Variants in CNKSR1 observed in about 807,000 individuals in gnomAD.
CNKSR1 encodes connector enhancer of kinase suppressor of Ras 1, also known as CNK homolog protein 1.
A neutral mutation model predicts 95.6 loss-of-function variants in CNKSR1; 88 were observed. That is an observed-to-expected ratio of 0.92 (90% confidence interval 0.78 to 1.10). The LOEUF (loss-of-function observed/expected upper bound fraction) is 1.10. CNKSR1 is among the 50% of genes least tolerant of loss of function. CNKSR1 has a pLI of 0.00. For missense variants in CNKSR1, 836 were observed against 912.0 expected (o/e 0.92, Z 1.07); for synonymous variants, 355 against 369.7 (o/e 0.96, Z 0.46).
In CNKSR1 at chr1:26,189,403, G is replaced by C; in HGVS notation, c.1997G>C (p.Gly666Ala). 1.2e-6 allele frequency: 2 copies of C among 1,613,964 alleles called. No individual in the cohort carries two copies. The highest frequency in any genetic ancestry group is 1.7e-6 in the Non-Finnish European group (2 of 1,179,816). ...TACTCAGAGGGCCTGGGGGCCTGGG[G>C]AGTGGCACAGGCTGAAGGCAGCTCC... ...ELYSEGLGAW[G>A]VAQAEGSSHI... Residue 666 changes from glycine (G) to alanine (A), a missense_variant, in exon 21 of 21, where the codon GGA (glycine) becomes GCA (alanine). Transcript: ENST00000361530.
chr1:26,185,347 T>C (rs2088730048), intron 14 of CNKSR1, among the ~76,000 whole-genome samples, 161 bp downstream of exon 14: 1 of 151,478 alleles, frequency 6.6e-6, no homozygotes, highest in Admixed American at 6.6e-5. Flanking sequence ...AATATATGTA[T>C]AAAAGCAGTT....
chr1:26,188,367 G>A, intron 17 of CNKSR1, 60 bp downstream of exon 17: 1 of 1,610,968 alleles, frequency 6.2e-7, no homozygotes, highest in Non-Finnish European at 8.5e-7. Context: ...CCTTTCCTGG[G>A]ATGGGGGCTA....
At position 26,188,466 on chromosome 1, in the gene CNKSR1, AG is replaced by A. The variant is rs1345377853; in HGVS notation, c.1555del (p.Asp519ThrfsTer44). On this transcript the variant is annotated frameshift_variant, in exon 18 of 21. Transcript: ENST00000361530. LOFTEE classifies it high-confidence loss of function. ...GACTGCTACAGTGAGACCGAAGCAG[AG>A]GACCCGGACGATGAGGCTGGGTCCC... ...EEDCYSETEA[E>X]DPDDEAGSHS... is the part of the protein sequence containing the mutation. 1 of 1,605,970 alleles carries A rather than the reference AG, an allele frequency of 6.2e-7. No homozygotes were observed. Among genetic ancestry groups the A allele is most frequent in the Middle Eastern group, 1.7e-4 (1 of 6,052 alleles).
At chr1:26,184,649 T>C (rs1426718166) in intron 13 of CNKSR1, 37 bp downstream of exon 13, 1 of 1,571,940 alleles carries the variant, frequency 6.4e-7, no homozygotes, top group African/African-American at 1.3e-5. Flanking sequence ...GGTTCCCCTG[T>C]TTGAGGAGCT....
intron 15 of CNKSR1, 50 bp downstream of exon 15, chr1:26,187,291 G>A: frequency 6.3e-7 from 1 of 1,592,840 alleles, no homozygotes; most frequent in Non-Finnish European, 8.6e-7. Flanking sequence ...GAAAGGGAGA[G>A]GAAGGGTGAT....
intron 1 of CNKSR1, 162 bp from the exon 2 acceptor site, chr1:26,180,291 C>G (rs2088621995): frequency 2.4e-6 from 2 of 836,550 alleles, no homozygotes; most frequent in African/African-American, 3.4e-5. Flanking sequence ...TTTCCTGCTT[C>G]TCAACTCAGT....
intron 1 of CNKSR1, among the ~76,000 whole-genome samples, chr1:26,178,731 A>T (rs1274002326): frequency 1.3e-5 from 2 of 152,178 alleles, no homozygotes; most frequent in Non-Finnish European, 2.9e-5. Context: ...GGGAAAGGCA[A>T]CTCTGACCTT....
At chr1:26,179,978 A>G (rs1026367481) in intron 1 of CNKSR1, among the ~76,000 whole-genome samples, 13 of 152,142 alleles carry the variant, frequency 8.5e-5, no homozygotes, top group African/African-American at 3.1e-4. Flanking sequence ...TCTGCAAAAA[A>G]TACAAAAATT....
At chr1:26,183,596 C>A (rs923761425) in intron 8 of CNKSR1, 133 bp from the exon 9 acceptor site, 1 of 998,884 alleles carries the variant, frequency 1.0e-6, no homozygotes, top group Non-Finnish European at 1.6e-6. Context: ...CCCATGGAAG[C>A]CCCCAGGAGG....
chr1:26,187,606 T>G, intron 16 of CNKSR1, 124 bp downstream of exon 16: 1 of 737,298 alleles, frequency 1.4e-6, no homozygotes, highest in Non-Finnish European at 2.3e-6. Flanking sequence ...GTCAAGATAC[T>G]CACTTCTCTT....
Position 26,187,255 on chromosome 1 carries a change from G to T in CNKSR1, c.1382+14G>T, listed in dbSNP as rs761848081. On this transcript the variant is annotated intron_variant, in intron 15 of 20. Transcript: ENST00000361530. ...GAAGAAGAAATAGTTAAGTCTTGGGGTGTGATGGGCTGGGGGATGGAGACA... is the reference window on the plus strand; with the variant it reads ...GAAGAAGAAATAGTTAAGTCTTGGGTTGTGATGGGCTGGGGGATGGAGACA... 6.2e-7 allele frequency: 1 copy of T among 1,609,992 alleles called. No homozygotes were observed. Among genetic ancestry groups the T allele is most frequent in the Non-Finnish European group, 8.5e-7 (1 of 1,176,208 alleles).
At position 26,180,538 on chromosome 1, in the gene CNKSR1, C is replaced by T. The variant is rs772465917; in HGVS notation, c.138C>T (p.Leu46=). 7.4e-6 allele frequency: 12 copies of T among 1,614,078 alleles called. No individual in the cohort carries two copies. Among genetic ancestry groups the T allele is most frequent in the African/African-American group, 4.0e-5 (3 of 74,932 alleles). ...TGCTCCAGCTCTGCCCCCAAAGCCTCGAGGCTCTGGCTGTGCGGTCTCTGG... is the reference window on the plus strand; with the variant it reads ...TGCTCCAGCTCTGCCCCCAAAGCCTTGAGGCTCTGGCTGTGCGGTCTCTGG... ...KNLLQLCPQS[L]EALAVRSLGH... The change falls in exon 2 of 21, where the codon CTC becomes CTT. Residue 46 remains leucine, a synonymous_variant. Transcript: ENST00000361530.
At position 26,180,969 on chromosome 1, in the gene CNKSR1, C is replaced by G. The variant is rs1257855290; in HGVS notation, c.392+73C>G. 3 of 1,572,086 alleles carry G rather than the reference C, an allele frequency of 1.9e-6. No homozygotes were observed. The African/African-American group carries it at 4.1e-5, about 21-fold the overall frequency. On this transcript the variant is annotated intron_variant, in intron 3 of 20. Coordinates refer to ENST00000361530, the MANE Select transcript of CNKSR1 (RefSeq NM_006314.3). The stretch of plus-strand genomic sequence containing the variant: ...TCCTTCAGGGCGTGGGAGAGAAAAA[C>G]AGATCTTGGCTCTTGTTCAGATATG...
rs145077561 is a variant in CNKSR1, at chr1:26,182,525, C to T, written c.565C>T (p.Pro189Ser). ...GICHNILVCC[P>S]KELLEQKAVL... The stretch of plus-strand genomic sequence containing the variant: ...CTGCCACAACATCCTGGTCTGCTGC[C>T]CCAAGGAGCTGCTGGAACAGAAGGC... Residue 189 changes from proline to serine, a missense_variant, in exon 6 of 21, where the codon CCC becomes TCC. Transcript: ENST00000361530. 5.0e-6 allele frequency: 8 copies of T among 1,613,850 alleles called. No individual in the cohort carries two copies. Among genetic ancestry groups the T allele is most frequent in the African/African-American group, 1.3e-5 (1 of 74,912 alleles).
At chr1:26,182,638 GC>G in intron 6 of CNKSR1, 54 bp downstream of exon 6, 2 of 1,465,764 alleles carry the variant, frequency 1.4e-6, no homozygotes, top group Admixed American at 3.6e-5. Flanking sequence ...CCTTGTCTGG[GC>G]CCTGAAATAG....
chr1:26,189,052 TC>T, intron 20 of CNKSR1, 99 bp downstream of exon 20: 2 of 1,391,882 alleles, frequency 1.4e-6, no homozygotes, highest in East Asian at 2.4e-5. Context: ...GACTCCAGAC[TC>T]CAGACTCAGC....
At chr1:26,182,641 C>T in intron 6 of CNKSR1, 57 bp downstream of exon 6, 2 of 1,446,982 alleles carry the variant, frequency 1.4e-6, no homozygotes, top group Non-Finnish European at 9.6e-7. Context: ...TGTCTGGGCC[C>T]TGAAATAGGG....
chr1:26,187,235 A>G lies in CNKSR1; in HGVS notation c.1376A>G (p.Lys459Arg), dbSNP rs1465813479. The change falls in exon 15 of 21, where the codon AAG becomes AGG. Residue 459 changes from lysine to arginine, a missense_variant. By Grantham distance (26) the Lys-to-Arg change is conservative. Coordinates refer to ENST00000361530, the MANE Select transcript of CNKSR1 (RefSeq NM_006314.3). ...CTGGAAAGTGGACATGATCAGAAGA[A>G]GAAATAGTTAAGTCTTGGGGTGTGA... is the stretch of plus-strand genomic sequence containing the variant. ...YSLESGHDQK[K>R]KYVFQLTHDV... The G allele has an allele frequency of 1.9e-6, 3 of 1,613,516 alleles. No individual in the cohort carries two copies.
At chr1:26,179,873 C>T (rs2088617213) in intron 1 of CNKSR1, among the ~76,000 whole-genome samples, 1 of 152,154 alleles carries the variant, frequency 6.6e-6, no homozygotes, top group African/African-American at 2.4e-5. Flanking sequence ...TCGTGGCTCA[C>T]ACCTGTAATT....
Sources: allele counts gnomAD v4.1 joint callset (sites outside exome capture counted in the v4.1 genomes callset), GRCh38; gene constraint gnomAD v4.1.1; transcripts MANE v1.5; gene names NCBI Gene and HGNC (gene_info 2026-07-23, HGNC 2026-07-21).